Variants in SOX5 observed in about 807,000 individuals in gnomAD.
The protein encoded by SOX5 is SRY-box transcription factor 5.
SOX5 carries 9 observed loss-of-function variants against 92.0 expected under a neutral mutation model. The ratio of observed to expected loss-of-function variants is 0.10; its 90% confidence interval spans 0.06 to 0.17. The LOEUF (loss-of-function observed/expected upper bound fraction) is 0.17, where lower values mean the gene tolerates loss of function less well. Ranked by LOEUF, SOX5 falls within the 10% of genes least tolerant of loss-of-function variation. SOX5 has a pLI of 1.00. For synonymous variants in SOX5, 344 were observed against 336.3 expected (o/e 1.02, Z -0.25); for missense variants, 642 against 944.5 (o/e 0.68, Z 4.20).
intron 1 of SOX5, among the ~76,000 whole-genome samples, chr12:23,926,463 A>G (rs1416194982): frequency 1.3e-5 from 2 of 152,098 alleles, no homozygotes; most frequent in Non-Finnish European, 2.9e-5. Flanking sequence ...TATATTTTTA[A>G]TCAATGTTCC....
intron 4 of SOX5, among the ~76,000 whole-genome samples, chr12:23,973,180 G>A (rs1323754810): frequency 2.6e-5 from 1 of 39,106 alleles, no homozygotes; most frequent in Non-Finnish European, 5.3e-5. Context: ...TTTTTTTTTT[G>A]AGACAAATTC....
intron 4 of SOX5, among the ~76,000 whole-genome samples, chr12:23,969,228 A>G (rs1384583814): frequency 6.6e-6 from 1 of 152,148 alleles, no homozygotes; most frequent in Middle Eastern, 3.2e-3. Context: ...CTCTACTGTC[A>G]TTGTCACTGT....
chr12:23,712,045 A>G (rs1048397814), intron 6 of SOX5, among the ~76,000 whole-genome samples: 1 of 152,184 alleles, frequency 6.6e-6, no homozygotes, highest in African/African-American at 2.4e-5. Flanking sequence ...TGAGTAGCTG[A>G]GCAGCCATTT....
Position 24,115,954 on chromosome 12 carries a change from A to G in SOX5, c.-2+97389T>C, listed in dbSNP as rs1457359721. Among the ~76,000 whole-genome samples, 4 of 152,176 alleles carry G rather than the reference A, an allele frequency of 2.6e-5. No individual in the cohort carries two copies. In the East Asian group the frequency reaches 7.7e-4, roughly 29 times the overall value. Reference sequence around the variant, plus strand: ...AGCCAAAGAAAAGGATAGGGATGCTAATATCTTCCTGTAGGAGAATAGAAC... The same window carrying G: ...AGCCAAAGAAAAGGATAGGGATGCTGATATCTTCCTGTAGGAGAATAGAAC... On this transcript the variant is annotated intron_variant, in intron 4 of 4. Transcript: ENST00000446891.
chr12:23,994,958 A>G (rs756261924), intron 4 of SOX5, among the ~76,000 whole-genome samples: 2 of 152,204 alleles, frequency 1.3e-5, no homozygotes, highest in Non-Finnish European at 1.5e-5. Flanking sequence ...CTGACAGTAT[A>G]AAAATATGGC....
At chr12:24,346,720 G>A (rs925289851) in intron 2 of SOX5, among the ~76,000 whole-genome samples, 6 of 151,998 alleles carry the variant, frequency 3.9e-5, no homozygotes, top group African/African-American at 4.8e-5. Context: ...CAAAGTGCTC[G>A]GATTACAGGC....
chr12:23,726,791 A>G lies in SOX5; in HGVS notation c.810+7893T>C, dbSNP rs183936928. Among the ~76,000 whole-genome samples, 327 of 152,322 alleles carry G rather than the reference A, an allele frequency of 2.1e-3. 1 individual carries two copies. Among genetic ancestry groups the G allele is most frequent in the Admixed American group, 3.7e-3 (57 of 15,286 alleles). The stretch of plus-strand genomic sequence containing the variant: ...CAATCTCAGTGATTCCAGAATGGCC[A>G]TATTTACAACTTGTGAAAAAGCAGC... On this transcript the variant is annotated intron_variant, in intron 6 of 14. Coordinates refer to ENST00000451604, the MANE Select transcript of SOX5 (RefSeq NM_006940.6).
intron 10 of SOX5, among the ~76,000 whole-genome samples, chr12:23,568,198 T>C (rs1391819687): frequency 2.0e-5 from 3 of 152,262 alleles, no homozygotes; most frequent in South Asian, 2.1e-4. Flanking sequence ...CAAGTGAATA[T>C]GCAGGCAGAG....
intron 3 of SOX5, among the ~76,000 whole-genome samples, chr12:23,757,701 G>T (rs1262838727): frequency 6.6e-6 from 1 of 151,892 alleles, no homozygotes; most frequent in Non-Finnish European, 1.5e-5. Flanking sequence ...TGCAGCAATA[G>T]AAATCCATTG....
intron 4 of SOX5, among the ~76,000 whole-genome samples, chr12:24,207,677 A>C (rs1276209726): frequency 6.6e-6 from 1 of 152,228 alleles, no homozygotes; most frequent in Admixed American, 6.5e-5. Context: ...CAGCAAAGCT[A>C]CAACTCAAAC....
At chr12:24,125,370 ATTTTCC>A (rs1949012503) in intron 4 of SOX5, among the ~76,000 whole-genome samples, 1 of 151,872 alleles carries the variant, frequency 6.6e-6, no homozygotes, top group Non-Finnish European at 1.5e-5. Flanking sequence ...CTTTTCTATT[ATTTTCC>A]TTTTCATTAG....
chr12:24,254,879 T>G (rs1940878411), intron 3 of SOX5, among the ~76,000 whole-genome samples: 1 of 152,096 alleles, frequency 6.6e-6, no homozygotes, highest in Admixed American at 6.5e-5. Flanking sequence ...GCTTCTAGTG[T>G]CTCCATCATT....
At chr12:23,785,395 C>G (rs2095360923) in intron 3 of SOX5, among the ~76,000 whole-genome samples, 1 of 151,870 alleles carries the variant, frequency 6.6e-6, no homozygotes, top group Non-Finnish European at 1.5e-5. Flanking sequence ...TGTGTTTAAA[C>G]CAAACATTGA....
chr12:24,246,497 CT>C lies in SOX5; in HGVS notation c.-77+30718del, dbSNP rs909513975. On this transcript the variant is annotated intron_variant, in intron 3 of 4. Coordinates refer to the SOX5 transcript ENST00000446891. ...CAGGAATACATTCTCATGTTATCAA[CT>C]TTTTTTTTTTAATTCTGAAATTTTG... Among the ~76,000 whole-genome samples, 671 of 147,384 alleles carry C rather than the reference CT, an allele frequency of 4.6e-3. 6 individuals carry two copies. Among genetic ancestry groups the C allele is most frequent in the African/African-American group, 0.014 (570 of 40,432 alleles).
chr12:23,729,083 T>C (rs2093287830), intron 6 of SOX5, among the ~76,000 whole-genome samples: 1 of 151,996 alleles, frequency 6.6e-6, no homozygotes, highest in Non-Finnish European at 1.5e-5. Flanking sequence ...CATTCATGAA[T>C]TGCCCATCAT....
chr12:24,437,800 A>T (rs548383826), intron 1 of SOX5, among the ~76,000 whole-genome samples: 7 of 152,298 alleles, frequency 4.6e-5, no homozygotes, highest in African/African-American at 1.4e-4. Context: ...TGGAGAGGAC[A>T]TGGAGAAATA....
chr12:23,796,769 A>G (rs1231014846), intron 3 of SOX5, among the ~76,000 whole-genome samples: 3 of 151,592 alleles, frequency 2.0e-5, no homozygotes, highest in East Asian at 3.9e-4. Context: ...CCATTCTAAT[A>G]TAGTGTATTT....
intron 2 of SOX5, among the ~76,000 whole-genome samples, chr12:24,327,943 C>G (rs1011713983): frequency 6.6e-6 from 1 of 152,098 alleles, no homozygotes; most frequent in Non-Finnish European, 1.5e-5. Context: ...CCACCTGCCA[C>G]AGCCTCCCAA....
In SOX5 at chr12:23,826,546, T is replaced by C. The variant is rs942988696; in HGVS notation, c.481+19437A>G. 3.3e-5 allele frequency among the ~76,000 whole-genome samples: 5 copies of C among 152,096 alleles called. No individual in the cohort carries two copies. In the East Asian group the frequency reaches 9.6e-4, roughly 29 times the overall value. On this transcript the variant is annotated intron_variant, in intron 3 of 14. Coordinates refer to ENST00000451604, the MANE Select transcript of SOX5 (RefSeq NM_006940.6). ...CCCTGAAAGCTGGAGAGCTATACTA[T>C]ATAAGGACTGACAACTGACCTCCCT...
Sources: allele counts gnomAD v4.1 joint callset (sites outside exome capture counted in the v4.1 genomes callset), GRCh38; gene constraint gnomAD v4.1.1; transcripts MANE v1.5; gene names NCBI Gene and HGNC (gene_info 2026-07-23, HGNC 2026-07-21).